The following GNAQ variants were observed in gnomAD, a reference collection of about 807,000 sequenced individuals.
GNAQ encodes G protein subunit alpha q, also known as guanine nucleotide-binding protein G(q) subunit alpha.
A neutral mutation model predicts 43.9 loss-of-function variants in GNAQ; 8 were observed. The observed-to-expected ratio is 0.18, with a 90% CI of 0.11 to 0.33. GNAQ has a LOEUF of 0.33. Ranked by LOEUF, GNAQ falls within the 10% of genes least tolerant of loss-of-function variation. GNAQ has a pLI of 1.00. For missense variants in GNAQ, 158 were observed against 450.8 expected, an observed-to-expected ratio of 0.35 and a Z score of 5.88; for synonymous variants, 155 against 170.7, an observed-to-expected ratio of 0.91 and a Z score of 0.71.
chr9:77,890,845 C>T (rs1416595871), intron 2 of GNAQ, among the ~76,000 whole-genome samples: 2 of 152,156 alleles, frequency 1.3e-5, no homozygotes, highest in Non-Finnish European at 2.9e-5. Flanking sequence ...GTATCTTACT[C>T]AAAAGTCATG....
At chr9:77,877,401 A>G (rs917655484) in intron 2 of GNAQ, among the ~76,000 whole-genome samples, 1 of 152,200 alleles carries the variant, frequency 6.6e-6, no homozygotes, top group Admixed American at 6.5e-5. Context: ...GAGAATAGGT[A>G]AAAACTCATC....
chr9:77,903,300 C>G (rs1828641333), intron 2 of GNAQ, among the ~76,000 whole-genome samples: 1 of 152,160 alleles, frequency 6.6e-6, no homozygotes, highest in Non-Finnish European at 1.5e-5. Context: ...AAGCTATTCC[C>G]TAGAGAAGGC....
intron 2 of GNAQ, among the ~76,000 whole-genome samples, chr9:77,838,481 AGTTTTGT>A (rs1001888553): frequency 1.3e-5 from 2 of 151,416 alleles, no homozygotes; most frequent in Non-Finnish European, 2.9e-5. Context: ...ACGTATTTTC[AGTTTTGT>A]GTTATGAAAT....
chr9:77,954,885 A>G (rs908726313), intron 1 of GNAQ, among the ~76,000 whole-genome samples: 7 of 152,162 alleles, frequency 4.6e-5, no homozygotes, highest in Admixed American at 4.6e-4. Context: ...GAGGAAGGCA[A>G]TAGTAGTCAC....
chr9:77,983,739 T>C (rs1037836481), intron 1 of GNAQ, among the ~76,000 whole-genome samples: 3 of 152,086 alleles, frequency 2.0e-5, no homozygotes, highest in African/African-American at 7.2e-5. Context: ...CACTAGCAGA[T>C]CTAGTCTTGC....
At chr9:77,851,057 A>C (rs1284412447) in intron 2 of GNAQ, among the ~76,000 whole-genome samples, 1 of 152,190 alleles carries the variant, frequency 6.6e-6, no homozygotes. Context: ...CCATCCCCAG[A>C]TCTTCACAGG....
At chr9:77,897,019 A>C (rs560327992) in intron 2 of GNAQ, among the ~76,000 whole-genome samples, 6 of 152,372 alleles carry the variant, frequency 3.9e-5, no homozygotes, top group African/African-American at 1.4e-4. Context: ...ATACTTAATT[A>C]TAAAGGGAAA....
intron 5 of GNAQ, among the ~76,000 whole-genome samples, chr9:77,739,993 C>T (rs1244556364): frequency 6.6e-6 from 1 of 152,236 alleles, no homozygotes; most frequent in Non-Finnish European, 1.5e-5. Context: ...ATCAGCGCAT[C>T]AGACAGAATC....
chr9:78,017,379 C>T (rs186599772), intron 1 of GNAQ, among the ~76,000 whole-genome samples: 88 of 152,278 alleles, frequency 5.8e-4, no homozygotes, highest in South Asian at 1.2e-3. Flanking sequence ...ACTAAACAGC[C>T]ATAAATATGT....
chr9:77,904,021 T>C (rs533605291), intron 2 of GNAQ, among the ~76,000 whole-genome samples: 88 of 152,282 alleles, frequency 5.8e-4, no homozygotes, highest in African/African-American at 2.1e-3. Flanking sequence ...GGGATGCCTT[T>C]TGGAATTTCC....
intron 1 of GNAQ, among the ~76,000 whole-genome samples, chr9:78,026,856 C>T (rs995602274): frequency 6.6e-6 from 1 of 152,148 alleles, no homozygotes; most frequent in African/African-American, 2.4e-5. Context: ...AACTGCAATT[C>T]CTGAAATTCT....
chr9:77,941,948 A>AC (rs58818514), intron 1 of GNAQ, among the ~76,000 whole-genome samples: 2 of 149,364 alleles, frequency 1.3e-5, no homozygotes, highest in African/African-American at 5.0e-5. Context: ...ACACACACAC[A>AC]GAGTATTATA....
intron 5 of GNAQ, among the ~76,000 whole-genome samples, chr9:77,787,296 G>C (rs1420485531): frequency 6.6e-6 from 1 of 152,220 alleles, no homozygotes; most frequent in Non-Finnish European, 1.5e-5. Flanking sequence ...TGAGTGAATA[G>C]TGGCTACCTG....
chr9:77,817,057 A>G (rs908502448), intron 2 of GNAQ, among the ~76,000 whole-genome samples: 1 of 152,272 alleles, frequency 6.6e-6, no homozygotes, highest in South Asian at 2.1e-4. Context: ...GAATCCCTGT[A>G]GCTGCTTTCT....
At chr9:77,796,209 A>G (rs1653424279) in intron 4 of GNAQ, among the ~76,000 whole-genome samples, 4 of 152,208 alleles carry the variant, frequency 2.6e-5, no homozygotes, top group Admixed American at 2.0e-4. Flanking sequence ...GGCAATATCT[A>G]TTAGAACAAT....
chr9:77,830,230 G>T (rs1395219950), intron 2 of GNAQ, among the ~76,000 whole-genome samples: 2 of 152,172 alleles, frequency 1.3e-5, no homozygotes, highest in Non-Finnish European at 2.9e-5. Flanking sequence ...TGGGATTACA[G>T]GTGTGAGCCA....
At chr9:77,868,579 T>C (rs1400245500) in intron 2 of GNAQ, among the ~76,000 whole-genome samples, 2 of 151,764 alleles carry the variant, frequency 1.3e-5, no homozygotes, top group Admixed American at 6.6e-5. Flanking sequence ...GGGCTGATCA[T>C]GAGGTCAAGA....
At chr9:77,966,491 T>C (rs1190450593) in intron 1 of GNAQ, among the ~76,000 whole-genome samples, 1 of 152,208 alleles carries the variant, frequency 6.6e-6, no homozygotes, top group Non-Finnish European at 1.5e-5. Flanking sequence ...TTTAAACTTT[T>C]TTAAGGTAAT....
chr9:77,757,944 G>A (rs1427178508), intron 5 of GNAQ, among the ~76,000 whole-genome samples: 1 of 152,182 alleles, frequency 6.6e-6, no homozygotes, highest in Non-Finnish European at 1.5e-5. Flanking sequence ...TTTAAAGCCT[G>A]CTAAATCCAG....
Sources: allele counts gnomAD v4.1 joint callset (sites outside exome capture counted in the v4.1 genomes callset), GRCh38; gene constraint gnomAD v4.1.1; transcripts MANE v1.5; gene names NCBI Gene and HGNC (gene_info 2026-07-23, HGNC 2026-07-21).